The following TMEM145 variants were observed in gnomAD, a reference collection of about 807,000 sequenced individuals.
TMEM145 encodes the protein transmembrane protein 145.
A neutral mutation model predicts 68.5 loss-of-function variants in TMEM145; 46 were observed. The ratio of observed to expected loss-of-function variants is 0.67; its 90% confidence interval spans 0.53 to 0.86. The LOEUF is 0.86. Among genes scored for constraint, TMEM145 ranks in the 40% least tolerant of loss-of-function variants. TMEM145 has a pLI of 0.00. For missense variants in TMEM145, 570 were observed against 645.8 expected (o/e 0.88, Z 1.27); for synonymous variants, 255 against 280.2 (o/e 0.91, Z 0.90).
rs1408789254 is a variant in TMEM145 at position 42,317,629 on chromosome 19, A to G, written c.901-80A>G. On this transcript the variant is annotated intron_variant, in intron 11 of 14. Transcript: ENST00000301204. ...GTTCTGACCGAGTACCTCTGTTCCC[A>G]AGTGCCCAGGGGTGGGGTCCGGGGA... 7 of 1,437,438 alleles carry G rather than the reference A, an allele frequency of 4.9e-6. No individual in the cohort carries two copies. In the African/African-American group the frequency reaches 8.5e-5, roughly 17 times the overall value. The allele number at this position is 1,437,438 out of a possible 1,614,324, so 89.0% of individuals were successfully genotyped here. A position where few individuals can be genotyped will look rare whatever the true frequency, so the allele number is the denominator to read the frequency against.
At chr19:42,321,463 C>G (rs1324255839) in intron 13 of TMEM145, 1 of 235,904 alleles carries the variant, frequency 4.2e-6, no homozygotes, top group Non-Finnish European at 8.0e-6. Flanking sequence ...GATCTCGGCT[C>G]ACTGCAACTT....
At position 42,313,632 on chromosome 19, in the gene TMEM145, G is replaced by A. The variant is rs550397199; in HGVS notation, c.120+136G>A. 20 of 634,432 alleles carry A rather than the reference G, an allele frequency of 3.2e-5. No homozygotes were observed. In the South Asian group the frequency reaches 1.1e-3, roughly 36 times the overall value. The allele number at this position is 634,432 out of a possible 1,614,324, so 39.3% of individuals were successfully genotyped here. On this transcript the variant is annotated intron_variant, in intron 1 of 14. Coordinates refer to ENST00000301204, the MANE Select transcript of TMEM145 (RefSeq NM_173633.3). This position sits in a 1 kb window ranked among gnomAD's most constrained non-coding sequence, Gnocchi z 5.1. ...GAGCCTCGGGGGAGTGGGGCCGAGG[G>A]CGATGGGGGACTGGGCCAGAGTCGA...
Position 42,314,862 on chromosome 19 carries a change from G to A in TMEM145, c.420+11G>A, listed in dbSNP as rs374179687. The A allele has an allele frequency of 3.1e-6, 5 of 1,614,078 alleles. No homozygotes were observed. The highest frequency in any genetic ancestry group is 4.2e-6 in the Non-Finnish European group (5 of 1,180,036). On this transcript the variant is annotated intron_variant, in intron 5 of 14. Transcript: ENST00000301204. ...CGCAGCTTCCGCTCAGTGCGTGAAC[G>A]GTGGTGGTATATTGCGCTCAGCAAG...
At chr19:42,324,506 G>A in intron 14 of TMEM145, 1 of 985,372 alleles carries the variant, frequency 1.0e-6, no homozygotes, top group Non-Finnish European at 1.2e-6. Flanking sequence ...CACGGCCGGG[G>A]GCACTGCACC....
intron 7 of TMEM145, 25 bp from the exon 8 acceptor site, chr19:42,315,336 TGCCTGTGGACA>T (rs2038845976): frequency 3.1e-6 from 5 of 1,613,968 alleles, no homozygotes; most frequent in Non-Finnish European, 3.4e-6. Flanking sequence ...TCTCCCTTTC[TGCCTGTGGACA>T]GCCTTTCCCT....
In TMEM145 at chr19:42,313,518, C is replaced by T; in HGVS notation, c.120+22C>T. On this transcript the variant is annotated intron_variant, in intron 1 of 14. Transcript: ENST00000301204. The surrounding 1 kb of genome is among the most constrained non-coding windows in gnomAD (Gnocchi z 5.1). ...GGAGGTGAGCATGCCGAGCCCTCCT[C>T]TGCGGCCCGCCGGCCCCCGGGGGAC... The T allele has an allele frequency of 7.9e-7, 1 of 1,263,182 alleles. No individual in the cohort carries two copies. Among genetic ancestry groups the T allele is most frequent in the Non-Finnish European group, 1.0e-6 (1 of 997,644 alleles). 78.2% of individuals were successfully genotyped at this position (1,263,182 alleles called of 1,614,324 possible). A position where few individuals can be genotyped will look rare whatever the true frequency, so the allele number is the denominator to read the frequency against.
chr19:42,319,057 C>G (rs1267489675), intron 12 of TMEM145, among the ~76,000 whole-genome samples: 1 of 152,182 alleles, frequency 6.6e-6, no homozygotes, highest in African/African-American at 2.4e-5. Flanking sequence ...GTACTCTAGC[C>G]TGGGCAACAG....
Position 42,315,227 on chromosome 19 carries a change from T to C in TMEM145, c.545T>C (p.Ile182Thr). The C allele has an allele frequency of 6.2e-7, 1 of 1,607,550 alleles. No individual in the cohort carries two copies. The change falls in exon 7 of 15, where the codon ATC becomes ACC. Residue 182 changes from isoleucine (I) to threonine (T), a missense_variant. Physicochemically the swap from Ile to Thr is moderately conservative, Grantham distance 89 (BLOSUM62 -1). Coordinates refer to ENST00000301204, the MANE Select transcript of TMEM145 (RefSeq NM_173633.3). ...GATGTGACCTTCCTCCTCATCTTCA[T>C]CCTCATCTTCTTCCTCTCTTGTTAC... ...ETDVTFLLIF[I>T]LIFFLSCYFG...
At chr19:42,319,509 C>A (rs1048378598) in intron 12 of TMEM145, among the ~76,000 whole-genome samples, 5 of 152,116 alleles carry the variant, frequency 3.3e-5, no homozygotes, top group African/African-American at 1.2e-4. Flanking sequence ...TGCAGTGGCA[C>A]GATCTCAGCT....
At chr19:42,314,968 C>G (rs1431939962) in intron 5 of TMEM145, 25 bp from the exon 6 acceptor site, 1 of 1,613,982 alleles carries the variant, frequency 6.2e-7, no homozygotes, top group East Asian at 2.2e-5. Flanking sequence ...CCAGGGCCCC[C>G]CTTAGGCCTC....
rs763800074 is a variant in TMEM145, at chr19:42,316,474, C to T, written c.647-7C>T. ...TATCCTTTCTTATCTGCCCATCCTC[C>T]CCTCAGTCCTGAGCCTCCTATTTTT... On this transcript the variant is annotated splice_region_variant and splice_polypyrimidine_tract_variant and intron_variant, in intron 8 of 14. Coordinates refer to ENST00000301204, the MANE Select transcript of TMEM145 (RefSeq NM_173633.3). The T allele has an allele frequency of 6.2e-6, 10 of 1,613,764 alleles. No homozygotes were observed. Among genetic ancestry groups the T allele is most frequent in the Non-Finnish European group, 8.5e-6 (10 of 1,179,764 alleles).
Position 42,313,409 on chromosome 19 carries a change from C to T in TMEM145, c.33C>T (p.Arg11=), listed in dbSNP as rs2038821993. Residue 11 remains arginine (R), a synonymous_variant, in exon 1 of 15, where the codon CGC becomes CGT. Coordinates refer to ENST00000301204, the MANE Select transcript of TMEM145 (RefSeq NM_173633.3). The surrounding 1 kb of genome is among the most constrained non-coding windows in gnomAD (Gnocchi z 5.1). ...CCCTGCGCGCGCCCGCGCTGCGCCGCCTGCTGCCGCCGCTGCTGCTCCTGC... is the reference window on the plus strand; with the variant it reads ...CCCTGCGCGCGCCCGCGCTGCGCCGTCTGCTGCCGCCGCTGCTGCTCCTGC... MEPLRAPALR[R]LLPPLLLLLL... is the part of the protein sequence containing the mutation. 7.4e-7 allele frequency: 1 copy of T among 1,358,494 alleles called. No homozygotes were observed. Among genetic ancestry groups the T allele is most frequent in the Non-Finnish European group, 9.5e-7 (1 of 1,053,678 alleles). 84.2% of individuals were successfully genotyped at this position (1,358,494 alleles called of 1,614,324 possible).
In TMEM145 at chr19:42,324,904, C is replaced by A; in HGVS notation, c.*87C>A. ...CTCTGCGACCCCGGGATGGATATTG[C>A]GATGCTGGTCTCGACCCTGAAACCC... On this transcript the variant is annotated 3_prime_UTR_variant, in exon 15 of 15. Transcript: ENST00000301204. 1 of 1,365,148 alleles carries A rather than the reference C, an allele frequency of 7.3e-7. No individual in the cohort carries two copies. Among genetic ancestry groups the A allele is most frequent in the Non-Finnish European group, 9.4e-7 (1 of 1,060,426 alleles). The allele number at this position is 1,365,148 out of a possible 1,614,324, so 84.6% of individuals were successfully genotyped here. A position where few individuals can be genotyped will look rare whatever the true frequency, so the allele number is the denominator to read the frequency against.
In TMEM145 at chr19:42,316,484, T is replaced by C. The variant is rs1443903822; in HGVS notation, c.650T>C (p.Leu217Pro). ...MFMAAAGVEV[L>P]SLLFFCIYWG... ...TATCTGCCCATCCTCCCCTCAGTCC[T>C]GAGCCTCCTATTTTTCTGCATCTAC... The change falls in exon 9 of 15, where the codon CTG becomes CCG. Residue 217 changes from leucine (L) to proline (P), a missense_variant. Coordinates refer to ENST00000301204, the MANE Select transcript of TMEM145 (RefSeq NM_173633.3). 1.2e-6 allele frequency: 2 copies of C among 1,614,096 alleles called. No homozygotes were observed. Among genetic ancestry groups the C allele is most frequent in the Admixed American group, 1.7e-5 (1 of 60,026 alleles).
At chr19:42,323,392 G>A (rs1404032277) in intron 13 of TMEM145, among the ~76,000 whole-genome samples, 191 bp from the exon 14 acceptor site, 1 of 152,232 alleles carries the variant, frequency 6.6e-6, no homozygotes, top group East Asian at 1.9e-4. Context: ...CACAGGCCGA[G>A]TTTTGTTGAA....
At chr19:42,318,561 C>T (rs907484056) in intron 12 of TMEM145, among the ~76,000 whole-genome samples, 2 of 151,610 alleles carry the variant, frequency 1.3e-5, no homozygotes, top group African/African-American at 4.9e-5. Context: ...CTGGTGGGCA[C>T]CTGTAATCCC....
chr19:42,314,162 A>T, intron 1 of TMEM145, 110 bp from the exon 2 acceptor site: 1 of 1,115,544 alleles, frequency 9.0e-7, no homozygotes, highest in Non-Finnish European at 1.4e-6. Context: ...GTCTCCTTCT[A>T]GTACTTGGGA....
intron 14 of TMEM145, 200 bp from the exon 15 acceptor site, chr19:42,324,527 GCACCCCTGCC>G: frequency 1.0e-6 from 1 of 985,298 alleles, no homozygotes; most frequent in Non-Finnish European, 1.2e-6. Flanking sequence ...CCCGGTCTGA[GCACCCCTGCC>G]CGCCCCTGCC....
chr19:42,323,143 A>G (rs2038927119), intron 13 of TMEM145, among the ~76,000 whole-genome samples: 1 of 152,200 alleles, frequency 6.6e-6, no homozygotes, highest in Admixed American at 6.5e-5. Flanking sequence ...AACTTTCTGT[A>G]TTTATGAAAA....
Sources: allele counts gnomAD v4.1 joint callset (sites outside exome capture counted in the v4.1 genomes callset), GRCh38; gene constraint gnomAD v4.1.1; non-coding constraint Gnocchi (gnomAD v3.1); transcripts MANE v1.5; gene names NCBI Gene and HGNC (gene_info 2026-07-23, HGNC 2026-07-21).